The following TTC6 variants were observed in gnomAD, a reference collection of about 807,000 sequenced individuals.
TTC6 encodes tetratricopeptide repeat protein 6.
TTC6 carries 172 observed loss-of-function variants against 210.4 expected under a neutral mutation model. The ratio of observed to expected loss-of-function variants is 0.82; its 90% confidence interval spans 0.72 to 0.93. TTC6 has a LOEUF of 0.93. Ranked by LOEUF, TTC6 falls within the 40% of genes least tolerant of loss-of-function variation. The pLI, the probability that TTC6 is intolerant of heterozygous loss-of-function variation, is 0.00. For synonymous variants in TTC6, 804 were observed against 819.6 expected (o/e 0.98, Z 0.32); for missense variants, 2,414 against 2,318.1 (o/e 1.04, Z -0.85).
At chr14:37,842,656 G>A (rs544697813), downstream of TTC6, 2 of 151,998 alleles carry the variant, frequency 1.3e-5, no homozygotes, top group Admixed American at 1.4e-4. Context: ...ATCAATCCTT[G>A]CTGACAATGT....
In TTC6 at chr14:37,663,161, C is replaced by T. The variant is rs177890; in HGVS notation, c.940-16990C>T. 4.0e-3 allele frequency among the ~76,000 whole-genome samples: 614 copies of T among 151,920 alleles called. 8 individuals are homozygous for T. Among genetic ancestry groups the T allele is most frequent in the African/African-American group, 0.013 (541 of 41,446 alleles). The stretch of plus-strand genomic sequence containing the variant: ...AGGCATTTTATTTTTTTTGTGGTAA[C>T]GGTGAATGGGATTGCATTCCTGGCT... On this transcript the variant is annotated intron_variant, in intron 1 of 30. Transcript: ENST00000553443.
intron 2 of TTC6, among the ~76,000 whole-genome samples, chr14:37,615,585 T>C (rs1042098766): frequency 1.3e-5 from 2 of 152,100 alleles, no homozygotes; most frequent in African/African-American, 4.8e-5. Flanking sequence ...AAATATATTT[T>C]CAGGTATAAA....
In TTC6 at chr14:37,806,519, A is replaced by G; in HGVS notation, c.4314+9A>G. 6.6e-7 allele frequency: 1 copy of G among 1,512,936 alleles called. No homozygotes were observed. The highest frequency in any genetic ancestry group is 8.8e-7 in the Non-Finnish European group (1 of 1,132,972). 93.7% of individuals were successfully genotyped at this position (1,512,936 alleles called of 1,614,324 possible). On this transcript the variant is annotated intron_variant, in intron 22 of 30. Coordinates refer to ENST00000553443, the Ensembl canonical transcript of TTC6. Reference sequence around the variant, plus strand: ...ATCCAAAACATTACCAGGTATTTAAACAGATGTTTTTAGTGAGTTGGAAAG... The same window carrying G: ...ATCCAAAACATTACCAGGTATTTAAGCAGATGTTTTTAGTGAGTTGGAAAG...
chr14:37,701,017 A>G (rs1178194424), intron 4 of TTC6, among the ~76,000 whole-genome samples: 3 of 152,100 alleles, frequency 2.0e-5, no homozygotes, highest in Non-Finnish European at 2.9e-5. Flanking sequence ...TTCAGAATTC[A>G]GGAGAGAAGA....
chr14:37,738,860 G>T lies in TTC6; in HGVS notation c.2068G>T (p.Glu690Ter). 6.5e-7 allele frequency: 1 copy of T among 1,534,876 alleles called. No homozygotes were observed. The highest frequency in any genetic ancestry group is 1.2e-5 in the South Asian group (1 of 83,998). The change falls in exon 10 of 31, where the codon GAG (glutamate) becomes TAG (stop). Residue 690 changes from glutamate (E) to a stop codon, truncating the protein, a stop_gained. Transcript: ENST00000553443. LOFTEE classifies it high-confidence loss of function. The stretch of plus-strand genomic sequence containing the variant: ...GAATGATATGCAAAGCAGTATAAAA[G>T]AGGTTATGTTTCAGAAAGCAAAGGA...
At chr14:37,678,358 A>T (rs929931148) in intron 1 of TTC6, among the ~76,000 whole-genome samples, 1 of 152,098 alleles carries the variant, frequency 6.6e-6, no homozygotes, top group Non-Finnish European at 1.5e-5. Context: ...AGCTCTGGGA[A>T]TTGTGACTTA....
intron 14 of TTC6, among the ~76,000 whole-genome samples, chr14:37,786,446 TGG>T (rs2096067881): frequency 6.6e-6 from 1 of 152,228 alleles, no homozygotes; most frequent in East Asian, 1.9e-4. Context: ...TATAATCTAC[TGG>T]TATGCCATTT....
At chr14:37,744,647 G>A (rs1729628776) in intron 10 of TTC6, among the ~76,000 whole-genome samples, 4 of 152,160 alleles carry the variant, frequency 2.6e-5, no homozygotes, top group Admixed American at 2.6e-4. Context: ...GAGTAAATTT[G>A]AAATTATTCT....
chr14:37,698,129 T>C (rs2095818111), intron 4 of TTC6, among the ~76,000 whole-genome samples: 1 of 152,150 alleles, frequency 6.6e-6, no homozygotes, highest in Admixed American at 6.5e-5. Context: ...AAAAGTCTGA[T>C]TTTTTAAAAA....
At chr14:37,764,969 TC>T (rs1328333843) in intron 14 of TTC6, among the ~76,000 whole-genome samples, 2 of 151,690 alleles carry the variant, frequency 1.3e-5, no homozygotes, top group African/African-American at 4.9e-5. Flanking sequence ...CATTTTGATT[TC>T]CTTCTCATTT....
intron 14 of TTC6, among the ~76,000 whole-genome samples, chr14:37,759,743 G>A (rs1324027844): frequency 1.3e-5 from 2 of 152,002 alleles, no homozygotes; most frequent in Admixed American, 6.6e-5. Flanking sequence ...TCTTACTTCA[G>A]TAAGTTTATC....
intron 15 of TTC6, among the ~76,000 whole-genome samples, chr14:37,789,052 A>G (rs1309474729): frequency 6.6e-6 from 1 of 152,152 alleles, no homozygotes; most frequent in African/African-American, 2.4e-5. Flanking sequence ...GACAAACTTG[A>G]TTTCAGCCTC....
intron 3 of TTC6, among the ~76,000 whole-genome samples, chr14:37,691,347 A>G (rs1208931729): frequency 6.6e-6 from 1 of 152,162 alleles, no homozygotes; most frequent in Non-Finnish European, 1.5e-5. Flanking sequence ...AACAAACAAC[A>G]AACAAAAAAA....
At chr14:37,754,078 ATAT>A (rs966853599) in intron 14 of TTC6, among the ~76,000 whole-genome samples, 4 of 152,096 alleles carry the variant, frequency 2.6e-5, no homozygotes, top group Admixed American at 6.6e-5. Context: ...ATTTTTTAAA[ATAT>A]TATTTTATTT....
chr14:37,785,757 T>G (rs891277121), intron 14 of TTC6, among the ~76,000 whole-genome samples: 6 of 152,214 alleles, frequency 3.9e-5, no homozygotes, highest in Non-Finnish European at 7.3e-5. Context: ...ATTTTTGGTT[T>G]TATCTATCTT....
At chr14:37,811,663 A>AG in intron 24 of TTC6, among the ~76,000 whole-genome samples, 1 of 152,216 alleles carries the variant, frequency 6.6e-6, no homozygotes, top group Admixed American at 6.5e-5. Flanking sequence ...TGTAAAAAAA[A>AG]CCAAAAAGGT....
intron 6 of TTC6, among the ~76,000 whole-genome samples, chr14:37,718,686 G>C (rs1042425552): frequency 6.6e-6 from 1 of 152,178 alleles, no homozygotes; most frequent in Non-Finnish European, 1.5e-5. Context: ...CCAGCGCTTT[G>C]GGAGGCCAAG....
chr14:37,732,607 C>G (rs1481288667), intron 7 of TTC6, among the ~76,000 whole-genome samples: 1 of 145,574 alleles, frequency 6.9e-6, no homozygotes, highest in Non-Finnish European at 1.5e-5. Flanking sequence ...AAGATCTTCA[C>G]TTTGTTGTCT....
chr14:37,760,574 C>A (rs531157923), intron 14 of TTC6, among the ~76,000 whole-genome samples: 1 of 152,292 alleles, frequency 6.6e-6, no homozygotes, highest in African/African-American at 2.4e-5. Context: ...CTCTTCAGAG[C>A]CAGCAGGCAG....
Sources: gnomAD v4.1 joint callset for allele counts (sites outside exome capture counted in the v4.1 genomes callset) on GRCh38, gnomAD v4.1.1 for gene constraint, MANE v1.5 for transcripts, NCBI Gene and HGNC (gene_info 2026-07-23, HGNC 2026-07-21) for gene names.